NALF1: variants seen among roughly 807,000 people sequenced by gnomAD.
The protein encoded by NALF1 is NALCN channel auxiliary factor 1.
NALF1 carries 3 observed loss-of-function variants against 48.4 expected under a neutral mutation model. The observed-to-expected ratio is 0.06, with a 90% confidence interval of 0.03 to 0.16. The LOEUF (loss-of-function observed/expected upper bound fraction) is 0.16. Ranked by LOEUF, NALF1 falls within the 10% of genes least tolerant of loss-of-function variation. The pLI is 1.00. For synonymous variants in NALF1, 262 were observed against 245.7 expected (o/e 1.07, Z -0.62); for missense variants, 526 against 571.5 (o/e 0.92, Z 0.81).
chr13:107,770,165 G>A (rs960845901), intron 1 of NALF1, among the ~76,000 whole-genome samples: 4 of 152,068 alleles, frequency 2.6e-5, no homozygotes, highest in Non-Finnish European at 5.9e-5. Flanking sequence ...CACCCGCCTC[G>A]GCCTCCCAAA....
intron 1 of NALF1, among the ~76,000 whole-genome samples, chr13:107,226,949 G>A (rs1880119176): frequency 6.6e-6 from 1 of 152,194 alleles, no homozygotes; most frequent in African/African-American, 2.4e-5. Context: ...TATAATGACT[G>A]CTAGATATTT....
chr13:107,603,514 A>T (rs1248957285), intron 1 of NALF1, among the ~76,000 whole-genome samples: 2 of 152,228 alleles, frequency 1.3e-5, no homozygotes, highest in Non-Finnish European at 2.9e-5. Context: ...CTTATTTTTA[A>T]TATACCGAAG....
intron 1 of NALF1, among the ~76,000 whole-genome samples, chr13:107,752,832 C>T (rs190459280): frequency 6.4e-4 from 98 of 152,246 alleles, no homozygotes; most frequent in South Asian, 1.0e-3. Flanking sequence ...CCAGGACATA[C>T]GTAAACCTGT....
At chr13:107,191,223 C>T (rs1319956547) in intron 2 of NALF1, among the ~76,000 whole-genome samples, 2 of 149,428 alleles carry the variant, frequency 1.3e-5, no homozygotes, top group South Asian at 2.1e-4. Context: ...TATAAGGTTT[C>T]GACATAATGG....
chr13:107,571,388 T>G (rs1310980824), intron 1 of NALF1, among the ~76,000 whole-genome samples: 1 of 152,148 alleles, frequency 6.6e-6, no homozygotes, highest in African/African-American at 2.4e-5. Context: ...GCCAAGTGAT[T>G]TAATCAATCA....
chr13:107,707,497 C>A (rs1293852699), intron 1 of NALF1, among the ~76,000 whole-genome samples: 1 of 152,210 alleles, frequency 6.6e-6, no homozygotes, highest in Non-Finnish European at 1.5e-5. Context: ...ACTTCCTTTT[C>A]CATCCCATCC....
chr13:107,587,892 T>C lies in NALF1; in HGVS notation c.915+277790A>G, dbSNP rs545449234. Among the ~76,000 whole-genome samples the C allele has an allele frequency of 1.6e-3, 242 of 152,268 alleles. 1 individual carries two copies. Among genetic ancestry groups the C allele is most frequent in the African/African-American group, 5.5e-3 (228 of 41,556 alleles). On this transcript the variant is annotated intron_variant, in intron 1 of 2. Transcript: ENST00000375915. ...CTAGACTGTAAACCACACATGGAGATGGAGTGTCTAACTCCTCTCTTCTGT... is the reference window on the plus strand; with the variant it reads ...CTAGACTGTAAACCACACATGGAGACGGAGTGTCTAACTCCTCTCTTCTGT...
At chr13:107,789,178 A>G (rs1422582584) in intron 1 of NALF1, 2 of 152,236 alleles carry the variant, frequency 1.3e-5, no homozygotes, top group Non-Finnish European at 2.9e-5. Context: ...TTGTGTGTGT[A>G]TACAAGTAAA....
chr13:107,244,548 C>A (rs892772054), intron 1 of NALF1, among the ~76,000 whole-genome samples: 19 of 152,146 alleles, frequency 1.2e-4, no homozygotes, highest in African/African-American at 4.6e-4. Flanking sequence ...CTGTGTCAAT[C>A]TAGTTTTTTT....
intron 1 of NALF1, among the ~76,000 whole-genome samples, chr13:107,329,351 G>A (rs1347893283): frequency 1.3e-5 from 2 of 152,124 alleles, no homozygotes; most frequent in Non-Finnish European, 2.9e-5. Flanking sequence ...GTTGTGAAAG[G>A]AGCACTCTAC....
intron 1 of NALF1, among the ~76,000 whole-genome samples, chr13:107,744,298 T>C (rs1221214025): frequency 1.3e-5 from 2 of 152,144 alleles, no homozygotes; most frequent in African/African-American, 2.4e-5. Context: ...AAACAGATAA[T>C]GCATTTAAAG....
At chr13:107,791,816 C>T (rs1162253282) in intron 1 of NALF1, among the ~76,000 whole-genome samples, 12 of 151,580 alleles carry the variant, frequency 7.9e-5, no homozygotes, top group Non-Finnish European at 1.5e-4. Flanking sequence ...AAAAATTAGC[C>T]AAGAGTGGTG....
At chr13:107,206,119 T>C (rs17432770) in intron 2 of NALF1, among the ~76,000 whole-genome samples, 3,038 of 152,292 alleles carry the variant, frequency 0.02, 45 homozygotes, top group Non-Finnish European at 0.03. Flanking sequence ...TAACATTAAA[T>C]GACATGTTTC....
At chr13:107,608,342 T>C (rs1284010880) in intron 1 of NALF1, among the ~76,000 whole-genome samples, 1 of 152,166 alleles carries the variant, frequency 6.6e-6, no homozygotes, top group East Asian at 1.9e-4. Context: ...AATGATCAAA[T>C]ACATGAATGA....
At chr13:107,281,714 G>A (rs906606259) in intron 1 of NALF1, among the ~76,000 whole-genome samples, 1 of 152,112 alleles carries the variant, frequency 6.6e-6, no homozygotes, top group African/African-American at 2.4e-5. Flanking sequence ...AAGGAAAGAG[G>A]TTTAATTGAC....
chr13:107,471,450 G>A (rs1205283259), intron 1 of NALF1, among the ~76,000 whole-genome samples: 3 of 152,112 alleles, frequency 2.0e-5, no homozygotes, highest in Non-Finnish European at 2.9e-5. Flanking sequence ...AGGGTAGGCA[G>A]GGGCAGCTGG....
intron 1 of NALF1, among the ~76,000 whole-genome samples, chr13:107,287,021 C>T (rs1032351326): frequency 1.3e-5 from 2 of 152,198 alleles, no homozygotes; most frequent in African/African-American, 4.8e-5. Flanking sequence ...AACATAACTG[C>T]TCACTATAAA....
At chr13:107,728,114 G>A (rs897607988) in intron 1 of NALF1, among the ~76,000 whole-genome samples, 15 of 152,162 alleles carry the variant, frequency 9.9e-5, no homozygotes, top group African/African-American at 3.4e-4. Context: ...AACCATTGTG[G>A]AATACAGTGT....
intron 1 of NALF1, among the ~76,000 whole-genome samples, chr13:107,283,645 T>C (rs59415956): frequency 0.013 from 1,959 of 148,828 alleles, 57 homozygotes; most frequent in African/African-American, 0.046. Flanking sequence ...TATTTATTTA[T>C]TTATTTATTT....
Sources: gnomAD v4.1 joint callset for allele counts (sites outside exome capture counted in the v4.1 genomes callset) on GRCh38, gnomAD v4.1.1 for gene constraint, MANE v1.5 for transcripts, NCBI Gene and HGNC (gene_info 2026-07-23, HGNC 2026-07-21) for gene names.